Variants in PDE4B observed in about 807,000 individuals in gnomAD.
The protein encoded by PDE4B is 3',5'-cyclic-AMP phosphodiesterase 4B.
In PDE4B, 20 loss-of-function variants were observed where a neutral mutation model predicts 82.2. That is an observed-to-expected ratio of 0.24 (90% confidence interval 0.17 to 0.35). The LOEUF (loss-of-function observed/expected upper bound fraction) is 0.35. PDE4B is among the 10% of genes least tolerant of loss of function. PDE4B has a pLI of 1.00. For synonymous variants in PDE4B, 320 were observed against 318.9 expected (o/e 1.00, Z -0.04); for missense variants, 655 against 907.2 (o/e 0.72, Z 3.57).
At chr1:66,281,440 G>A (rs1656294284) in intron 7 of PDE4B, among the ~76,000 whole-genome samples, 1 of 152,228 alleles carries the variant, frequency 6.6e-6, no homozygotes, top group Admixed American at 6.5e-5. Context: ...GAAGAAAATG[G>A]AGTGGGTTTC....
rs575417424 is a variant in PDE4B, at chr1:66,186,432, G to A, written c.282-61028G>A. On this transcript the variant is annotated intron_variant, in intron 3 of 16. Transcript: ENST00000341517. ...TCTATAAATCACCTTGGGCAGTATG[G>A]CCATTTTCACGATATTGATTCTTCC... 1.3e-4 allele frequency among the ~76,000 whole-genome samples: 20 copies of A among 152,262 alleles called. No homozygotes were observed. The South Asian group carries it at 3.9e-3, about 30-fold the overall frequency.
intron 3 of PDE4B, among the ~76,000 whole-genome samples, chr1:66,195,181 A>T (rs1648184214): frequency 6.6e-6 from 1 of 152,162 alleles, no homozygotes; most frequent in African/African-American, 2.4e-5. Flanking sequence ...GCGAACTCAG[A>T]TGTGACCAAG....
chr1:65,992,816 C>A (rs1651317373), intron 3 of PDE4B: 2 of 1,482,782 alleles, frequency 1.3e-6, no homozygotes, highest in Non-Finnish European at 1.8e-6. Flanking sequence ...AAATAGTTTG[C>A]AGACTTATCA....
At chr1:66,076,180 A>G (rs925941778) in intron 3 of PDE4B, among the ~76,000 whole-genome samples, 7 of 152,024 alleles carry the variant, frequency 4.6e-5, no homozygotes, top group Non-Finnish European at 8.8e-5. Context: ...GCCCTTGCCC[A>G]CCTGCTCTTC....
chr1:66,075,043 T>G (rs1456843258), intron 3 of PDE4B, among the ~76,000 whole-genome samples: 1 of 152,040 alleles, frequency 6.6e-6, no homozygotes, highest in Non-Finnish European at 1.5e-5. Context: ...CAATTTTTAC[T>G]GAAGTGGCAG....
At chr1:66,120,014 C>T (rs994193564) in intron 3 of PDE4B, among the ~76,000 whole-genome samples, 1 of 152,130 alleles carries the variant, frequency 6.6e-6, no homozygotes, top group Admixed American at 6.5e-5. Flanking sequence ...CTGCTGACAC[C>T]TTGATTTCAG....
chr1:66,039,556 C>T (rs562428955), intron 3 of PDE4B, among the ~76,000 whole-genome samples: 140 of 152,106 alleles, frequency 9.2e-4, no homozygotes, highest in African/African-American at 3.1e-3. Flanking sequence ...CTTACTTTCT[C>T]TCATGTCTCT....
intron 1 of PDE4B, among the ~76,000 whole-genome samples, chr1:65,905,052 C>T (rs993951414): frequency 2.0e-5 from 3 of 152,120 alleles, no homozygotes; most frequent in African/African-American, 7.2e-5. Context: ...AGGCCTCAAG[C>T]CTATCTAGTC....
intron 1 of PDE4B, among the ~76,000 whole-genome samples, chr1:65,898,634 C>A (rs1482715147): frequency 6.6e-6 from 1 of 152,066 alleles, no homozygotes; most frequent in African/African-American, 2.4e-5. Flanking sequence ...GCCAATGGAA[C>A]AGAATAGAGA....
intron 3 of PDE4B, among the ~76,000 whole-genome samples, chr1:66,034,591 G>C (rs779551376): frequency 1.3e-5 from 2 of 152,102 alleles, no homozygotes; most frequent in Non-Finnish European, 2.9e-5. Flanking sequence ...AGGGGAGAAG[G>C]CATACAGACA....
chr1:66,076,763 GTGA>G (rs1656458275), intron 3 of PDE4B, among the ~76,000 whole-genome samples: 1 of 152,210 alleles, frequency 6.6e-6, no homozygotes, highest in Admixed American at 6.6e-5. Flanking sequence ...CTGATGATTA[GTGA>G]TGATGAGCAT....
chr1:66,318,400 G>A (rs958633713), intron 7 of PDE4B, among the ~76,000 whole-genome samples: 3 of 152,186 alleles, frequency 2.0e-5, no homozygotes, highest in Admixed American at 6.5e-5. Flanking sequence ...GTCTCCTTGA[G>A]ACTCACCCAA....
At chr1:66,120,546 T>C (rs1282409984) in intron 3 of PDE4B, among the ~76,000 whole-genome samples, 1 of 152,178 alleles carries the variant, frequency 6.6e-6, no homozygotes, top group Non-Finnish European at 1.5e-5. Flanking sequence ...GGGTTTTATT[T>C]GCCTGTACCA....
At chr1:66,326,981 A>G (rs11208835) in intron 7 of PDE4B, among the ~76,000 whole-genome samples, 95,276 of 152,024 alleles carry the variant, frequency 0.63, 30,086 homozygotes, top group East Asian at 0.83. Flanking sequence ...TTCCCTGCAC[A>G]GATTGCAGGG....
chr1:66,212,528 T>C (rs1650138139), intron 3 of PDE4B, among the ~76,000 whole-genome samples: 1 of 152,172 alleles, frequency 6.6e-6, no homozygotes, highest in Admixed American at 6.5e-5. Context: ...TGATCTACAC[T>C]ACTCGTTTTA....
chr1:66,163,675 G>A (rs1348162702), intron 3 of PDE4B, among the ~76,000 whole-genome samples: 1 of 152,160 alleles, frequency 6.6e-6, no homozygotes, highest in African/African-American at 2.4e-5. Context: ...GTTTTAGCAT[G>A]TAAAATTGTT....
At chr1:66,346,444 CT>C (rs551713050) in intron 8 of PDE4B, among the ~76,000 whole-genome samples, 1 of 152,136 alleles carries the variant, frequency 6.6e-6, no homozygotes, top group Non-Finnish European at 1.5e-5. Context: ...CAAATAGACT[CT>C]TTTTTTACGG....
chr1:66,018,939 T>C (rs1044258229), intron 3 of PDE4B, among the ~76,000 whole-genome samples: 5 of 152,204 alleles, frequency 3.3e-5, no homozygotes, highest in Non-Finnish European at 7.4e-5. Context: ...TATTTTATAA[T>C]GATAAAACTA....
At chr1:66,231,828 A>G (rs1651973960) in intron 3 of PDE4B, among the ~76,000 whole-genome samples, 1 of 152,236 alleles carries the variant, frequency 6.6e-6, no homozygotes, top group Admixed American at 6.5e-5. Context: ...CTTCCTATGG[A>G]AAGAAAAATC....
Sources: gnomAD v4.1 joint callset for allele counts (sites outside exome capture counted in the v4.1 genomes callset) on GRCh38, gnomAD v4.1.1 for gene constraint, MANE v1.5 for transcripts, NCBI Gene and HGNC (gene_info 2026-07-23, HGNC 2026-07-21) for gene names.